The following SPATA7 variants were observed in gnomAD, a reference collection of about 807,000 sequenced individuals.
The protein encoded by SPATA7 is spermatogenesis associated 7, also known as spermatogenesis-associated protein 7.
A neutral mutation model predicts 51.8 loss-of-function variants in SPATA7; 43 were observed. The ratio of observed to expected loss-of-function variants is 0.83; its 90% CI spans 0.65 to 1.07. The LOEUF (loss-of-function observed/expected upper bound fraction) is 1.07. Ranked by LOEUF, SPATA7 falls within the 50% of genes least tolerant of loss-of-function variation. The pLI is 0.00. For synonymous variants in SPATA7, 230 were observed against 252.8 expected (o/e 0.91, Z 0.86); for missense variants, 683 against 701.3 (o/e 0.97, Z 0.30).
At chr14:88,407,297 A>G (rs1255550055) in intron 4 of SPATA7, among the ~76,000 whole-genome samples, 5 of 152,138 alleles carry the variant, frequency 3.3e-5, no homozygotes, top group African/African-American at 1.2e-4. Context: ...TGACTTTTTA[A>G]TGATCGCTAT....
chr14:88,413,252 A>T (rs751614306), intron 4 of SPATA7, among the ~76,000 whole-genome samples: 38 of 152,032 alleles, frequency 2.5e-4, no homozygotes, highest in Admixed American at 4.6e-4. Flanking sequence ...ATTCTTTTAG[A>T]TATCCTTCAC....
At chr14:88,440,873 G>A (rs2077173678), downstream of SPATA7, among the ~76,000 whole-genome samples, 1 of 152,000 alleles carries the variant, frequency 6.6e-6, no homozygotes, top group Non-Finnish European at 1.5e-5. Flanking sequence ...GTGATGTTTG[G>A]TTACATGAAT....
At chr14:88,415,249 C>T in intron 4 of SPATA7, 1 of 363,670 alleles carries the variant, frequency 2.7e-6, no homozygotes, top group South Asian at 2.2e-5. Flanking sequence ...GTGTTGGGTG[C>T]AAATATACCT....
intron 4 of SPATA7, among the ~76,000 whole-genome samples, chr14:88,412,487 A>G (rs1595229532): frequency 6.6e-6 from 1 of 151,786 alleles, no homozygotes; most frequent in Non-Finnish European, 1.5e-5. Flanking sequence ...GCCAGCCTCA[A>G]CCCTTCACGT....
chr14:88,405,071 C>A (rs368193649), intron 4 of SPATA7, among the ~76,000 whole-genome samples: 1 of 152,010 alleles, frequency 6.6e-6, no homozygotes, highest in Non-Finnish European at 1.5e-5. Context: ...TGAGCAGAGA[C>A]CTGAAAGAAT....
Position 88,410,183 on chromosome 14 carries a change from A to G in SPATA7, c.239-6528A>G, listed in dbSNP as rs375598047. Among the ~76,000 whole-genome samples, 4 of 152,238 alleles carry G rather than the reference A, an allele frequency of 2.6e-5. No homozygotes were observed. In the East Asian group the frequency reaches 7.7e-4, roughly 29 times the overall value. On this transcript the variant is annotated intron_variant, in intron 4 of 11. Coordinates refer to ENST00000393545, the MANE Select transcript of SPATA7 (RefSeq NM_018418.5). ...TCTTGTTGATCTCTTTAATATTGAC[A>G]GTGGGGTGATAAAGTCTCCCACTGT... is the stretch of plus-strand genomic sequence containing the variant.
chr14:88,468,206 C>G (rs780125339), intron 4 of SPATA7: 2 of 1,611,870 alleles, frequency 1.2e-6, no homozygotes, highest in African/African-American at 2.7e-5. Context: ...GGCAGAGAGT[C>G]TGCACCAGCA....
In SPATA7 at chr14:88,385,681, C is replaced by G; in HGVS notation, c.-138C>G. 4.8e-6 allele frequency: 4 copies of G among 837,208 alleles called. No homozygotes were observed. Among genetic ancestry groups the G allele is most frequent in the Non-Finnish European group, 6.0e-6 (3 of 502,630 alleles). The allele number at this position is 837,208 out of a possible 1,614,324, so 51.9% of individuals were successfully genotyped here. ...CACTGGACCCAGCCCTTAGCAACGG[C>G]CTGGCAACGGTTTCCCTGCTGCTGC... is the stretch of plus-strand genomic sequence containing the variant. On this transcript the variant is annotated 5_prime_UTR_variant, in exon 1 of 12. Transcript: ENST00000393545.
intron 3 of SPATA7, among the ~76,000 whole-genome samples, chr14:88,452,027 T>C (rs1164483409): frequency 2.0e-5 from 3 of 152,212 alleles, no homozygotes; most frequent in Non-Finnish European, 4.4e-5. Context: ...ATTGCTTTTC[T>C]GGTTCCTTCT....
downstream of SPATA7, among the ~76,000 whole-genome samples, chr14:88,459,854 A>G (rs187361656): frequency 0.038 from 5,769 of 152,242 alleles, 353 homozygotes; most frequent in African/African-American, 0.13. Context: ...GGCTGGTACC[A>G]GTCGTTCCTT....
At chr14:88,434,760 C>T (rs1174959816) in intron 10 of SPATA7, among the ~76,000 whole-genome samples, 2 of 149,356 alleles carry the variant, frequency 1.3e-5, no homozygotes, top group Admixed American at 6.7e-5. Flanking sequence ...TGTTTAATTA[C>T]AAGTTGGTAA....
At position 88,403,726 on chromosome 14, in the gene SPATA7, G is replaced by A. The variant is rs2076131985; in HGVS notation, c.238+7523G>A. 3.3e-5 allele frequency among the ~76,000 whole-genome samples: 5 copies of A among 152,182 alleles called. No individual in the cohort carries two copies. The South Asian group carries it at 1.0e-3, about 32-fold the overall frequency. On this transcript the variant is annotated intron_variant, in intron 4 of 11. Coordinates refer to ENST00000393545, the MANE Select transcript of SPATA7 (RefSeq NM_018418.5). The stretch of plus-strand genomic sequence containing the variant: ...CCTCAGAGAGGCAGAGAGTAGAATG[G>A]AAGTTGCCAGGGGCTACAGGAAGGA...
intron 3 of SPATA7, among the ~76,000 whole-genome samples, chr14:88,446,690 T>G (rs2077215389): frequency 6.6e-6 from 1 of 152,228 alleles, no homozygotes; most frequent in Non-Finnish European, 1.5e-5. Context: ...GGTGTCTTTG[T>G]TCTCGTTGGT....
At chr14:88,456,957 C>A (rs1425030918), downstream of SPATA7, among the ~76,000 whole-genome samples, 1 of 152,126 alleles carries the variant, frequency 6.6e-6, no homozygotes, top group Non-Finnish European at 1.5e-5. Context: ...AGCAAGGTTT[C>A]CCAGCACCAT....
intron 10 of SPATA7, among the ~76,000 whole-genome samples, chr14:88,435,795 G>A (rs139106038): frequency 2.0e-5 from 3 of 152,264 alleles, no homozygotes; most frequent in East Asian, 1.9e-4. Context: ...ACTCCATGGT[G>A]TATATGTACT....
At chr14:88,434,354 A>G (rs150882175) in intron 10 of SPATA7, among the ~76,000 whole-genome samples, 1 of 152,176 alleles carries the variant, frequency 6.6e-6, no homozygotes, top group African/African-American at 2.4e-5. Context: ...GAATTTACAG[A>G]TATAGAAAGA....
At chr14:88,460,105 TG>T (rs781225862), downstream of SPATA7, among the ~76,000 whole-genome samples, 5 of 152,232 alleles carry the variant, frequency 3.3e-5, no homozygotes, top group Non-Finnish European at 5.9e-5. Context: ...CTTCCCTTTG[TG>T]GGTAACCCGA....
chr14:88,447,699 G>A (rs1359439444), intron 3 of SPATA7, among the ~76,000 whole-genome samples: 2 of 151,842 alleles, frequency 1.3e-5, no homozygotes, highest in Admixed American at 1.3e-4. Flanking sequence ...AAATCTCTCA[G>A]CATTTGCTTG....
chr14:88,390,106 A>C (rs2075700415), intron 1 of SPATA7, among the ~76,000 whole-genome samples: 1 of 152,334 alleles, frequency 6.6e-6, no homozygotes, highest in East Asian at 1.9e-4. Context: ...TCATCTATAA[A>C]GTAGGGAGAA....
Sources: allele counts gnomAD v4.1 joint callset (sites outside exome capture counted in the v4.1 genomes callset), GRCh38; gene constraint gnomAD v4.1.1; transcripts MANE v1.5; gene names NCBI Gene and HGNC (gene_info 2026-07-23, HGNC 2026-07-21).